CEP70: variants seen among roughly 807,000 people sequenced by gnomAD.
The protein encoded by CEP70 is centrosomal protein of 70 kDa.
In CEP70, 70 loss-of-function variants were observed where a neutral mutation model predicts 90.9. The observed-to-expected ratio is 0.77, with a 90% CI of 0.64 to 0.94. CEP70 has a LOEUF of 0.94. Among genes scored for constraint, CEP70 ranks in the 40% least tolerant of loss-of-function variants. The pLI is 0.00. For missense variants in CEP70, 648 were observed against 669.0 expected (o/e 0.97, Z 0.35); for synonymous variants, 220 against 228.3 (o/e 0.96, Z 0.33).
chr3:138,556,267 C>T (rs562358696), intron 6 of CEP70, among the ~76,000 whole-genome samples: 3 of 152,216 alleles, frequency 2.0e-5, no homozygotes, highest in Non-Finnish European at 2.9e-5. Context: ...CGGTGGCTCA[C>T]GCCTGTAATC....
chr3:138,563,139 C>CAAG (rs775670192), intron 6 of CEP70, among the ~76,000 whole-genome samples: 17 of 151,870 alleles, frequency 1.1e-4, no homozygotes, highest in Non-Finnish European at 2.2e-4. Context: ...ATCAGTGCAA[C>CAAG]AAGAGCTAAC....
intron 12 of CEP70, among the ~76,000 whole-genome samples, chr3:138,506,058 ACTAT>A (rs71941022): frequency 0.01 from 1,563 of 152,340 alleles, 25 homozygotes; most frequent in African/African-American, 0.036. Flanking sequence ...ATATTTGCTC[ACTAT>A]CTATATTTTT....
chr3:138,529,342 A>C (rs2037595571), intron 9 of CEP70, 33 bp downstream of exon 9: 14 of 1,571,542 alleles, frequency 8.9e-6, no homozygotes, highest in Non-Finnish European at 1.2e-5. Flanking sequence ...TTAGTTTATT[A>C]AAAAGTATTT....
chr3:138,528,753 G>A (rs2037529558), intron 10 of CEP70, among the ~76,000 whole-genome samples: 1 of 149,660 alleles, frequency 6.7e-6, no homozygotes, highest in Non-Finnish European at 1.5e-5. Flanking sequence ...GCACTTTGGG[G>A]AGGCCAAGGA....
intron 6 of CEP70, among the ~76,000 whole-genome samples, chr3:138,562,459 A>G (rs917966409): frequency 6.6e-5 from 10 of 152,270 alleles, no homozygotes; most frequent in Admixed American, 2.0e-4. Flanking sequence ...CAGCCAGAGA[A>G]AAAGGTTGGG....
chr3:138,579,885 C>A (rs1169678140), intron 2 of CEP70, among the ~76,000 whole-genome samples: 1 of 151,912 alleles, frequency 6.6e-6, no homozygotes, highest in African/African-American at 2.4e-5. Context: ...CAACTTGGCC[C>A]AACTGGGGAA....
At chr3:138,553,307 G>A (rs138487343) in intron 6 of CEP70, among the ~76,000 whole-genome samples, 18 of 152,086 alleles carry the variant, frequency 1.2e-4, no homozygotes, top group East Asian at 1.9e-4. Context: ...GTGAAACCCC[G>A]TGTCTACTAA....
chr3:138,548,313 TGG>T (rs2039367850), intron 6 of CEP70, among the ~76,000 whole-genome samples: 1 of 152,208 alleles, frequency 6.6e-6, no homozygotes, highest in South Asian at 2.1e-4. Context: ...AAAACACTCC[TGG>T]GGAAACTTTA....
intron 2 of CEP70, among the ~76,000 whole-genome samples, chr3:138,581,082 C>T (rs575063111): frequency 1.3e-5 from 2 of 151,798 alleles, no homozygotes; most frequent in African/African-American, 4.8e-5. Context: ...GTCAGGAGTT[C>T]GAGACCAGGC....
chr3:138,515,159 CCT>C (rs1209285909), intron 11 of CEP70, among the ~76,000 whole-genome samples: 1 of 152,026 alleles, frequency 6.6e-6, no homozygotes, highest in Non-Finnish European at 1.5e-5. Context: ...AACCACTGCT[CCT>C]AGAGGAAATA....
intron 6 of CEP70, among the ~76,000 whole-genome samples, chr3:138,557,513 T>C (rs974315967): frequency 2.6e-5 from 4 of 152,240 alleles, no homozygotes; most frequent in African/African-American, 7.2e-5. Flanking sequence ...TAAGAAATTA[T>C]AGAAGTATTA....
At chr3:138,497,670 G>A (rs981091931) in intron 17 of CEP70, 7 of 981,010 alleles carry the variant, frequency 7.1e-6, no homozygotes, top group African/African-American at 7.0e-5. Context: ...TTGTAGATAG[G>A]TGGTATCTTA....
chr3:138,589,014 C>T (rs971423351), intron 2 of CEP70, among the ~76,000 whole-genome samples: 4 of 151,960 alleles, frequency 2.6e-5, no homozygotes, highest in Non-Finnish European at 5.9e-5. Flanking sequence ...AAAATGAAAA[C>T]CAACTGTGGT....
chr3:138,507,533 T>C (rs1037237960), intron 12 of CEP70, among the ~76,000 whole-genome samples: 1 of 152,148 alleles, frequency 6.6e-6, no homozygotes, highest in African/African-American at 2.4e-5. Flanking sequence ...AATTAAAATA[T>C]GGAAATAGTT....
intron 17 of CEP70, chr3:138,497,220 T>C: frequency 2.4e-6 from 3 of 1,242,114 alleles, no homozygotes; most frequent in Non-Finnish European, 3.1e-6. Context: ...AGGCTATATA[T>C]TCTAATTAGA....
chr3:138,529,497 A>G, intron 8 of CEP70, 35 bp from the exon 9 acceptor site: 1 of 1,318,704 alleles, frequency 7.6e-7, no homozygotes, highest in Non-Finnish European at 1.1e-6. Context: ...CTTATGAAAA[A>G]TCTATCTTCA....
At position 138,500,777 on chromosome 3, in the gene CEP70, AAAC is replaced by A. The variant is rs1345936525; in HGVS notation, c.1323_1325del (p.Leu441del). The A allele has an allele frequency of 2.5e-6, 4 of 1,606,034 alleles. No homozygotes were observed. The African/African-American group carries it at 5.4e-5, about 22-fold the overall frequency. On this transcript the variant is annotated inframe_deletion, in exon 14 of 18. Transcript: ENST00000264982. Reference sequence around the variant, plus strand: ...CTTCTTCCAGCATAGTATCTACTATAAACAACAAATCTTCAACTTTGATACCTT... The same window carrying A: ...CTTCTTCCAGCATAGTATCTACTATAAACAAATCTTCAACTTTGATACCTT...
At chr3:138,568,571 C>A (rs2040941322) in intron 6 of CEP70, among the ~76,000 whole-genome samples, 1 of 152,126 alleles carries the variant, frequency 6.6e-6, no homozygotes, top group Non-Finnish European at 1.5e-5. Flanking sequence ...TTTCCACATG[C>A]CCTATATCTA....
chr3:138,496,475 T>C, intron 17 of CEP70: 1 of 985,434 alleles, frequency 1.0e-6, no homozygotes, highest in Non-Finnish European at 1.2e-6. Flanking sequence ...ATTCCCTGAC[T>C]CCGCCCCCTG....
Sources: gnomAD v4.1 joint callset for allele counts (sites outside exome capture counted in the v4.1 genomes callset) on GRCh38, gnomAD v4.1.1 for gene constraint, MANE v1.5 for transcripts, NCBI Gene and HGNC (gene_info 2026-07-23, HGNC 2026-07-21) for gene names.